Variants in ANO2 observed in about 807,000 individuals in gnomAD.
ANO2 encodes anoctamin 2, also known as anoctamin-2.
In ANO2, 101 loss-of-function variants were observed where a neutral mutation model predicts 124.2. The observed-to-expected ratio is 0.81, with a 90% CI of 0.69 to 0.96. The LOEUF is 0.96. Ranked by LOEUF, ANO2 falls within the 40% of genes least tolerant of loss-of-function variation. The probability of loss-of-function intolerance (pLI) is 0.00; values close to 1 mark genes in which losing one functional copy is unlikely to be tolerated. For missense variants in ANO2, 1,293 were observed against 1,274.5 expected, an observed-to-expected ratio of 1.01 and a Z score of -0.22; for synonymous variants, 486 against 482.5, an observed-to-expected ratio of 1.01 and a Z score of -0.09.
chr12:5,611,251 G>A (rs1944532934), intron 19 of ANO2, among the ~76,000 whole-genome samples: 1 of 152,092 alleles, frequency 6.6e-6, no homozygotes, highest in African/African-American at 2.4e-5. Flanking sequence ...TTACAGCGGT[G>A]AGCCACCACA....
At chr12:5,610,856 AC>A (rs1944504649) in intron 19 of ANO2, among the ~76,000 whole-genome samples, 4 of 143,886 alleles carry the variant, frequency 2.8e-5, no homozygotes, top group South Asian at 2.2e-4. Context: ...ACACACACAC[AC>A]ACAACCCTAA....
intron 14 of ANO2, among the ~76,000 whole-genome samples, chr12:5,725,740 G>A (rs1410257130): frequency 2.6e-5 from 4 of 151,972 alleles, no homozygotes; most frequent in Non-Finnish European, 5.9e-5. Flanking sequence ...GCCCTAAGGT[G>A]GTGCCCACTT....
rs1947258166 is a variant in ANO2 at position 5,658,205 on chromosome 12, G to C, written c.1546-10404C>G. 6.6e-6 allele frequency among the ~76,000 whole-genome samples: 1 copy of C among 152,076 alleles called. No homozygotes were observed. Among genetic ancestry groups the C allele is most frequent in the Non-Finnish European group, 1.5e-5 (1 of 68,032 alleles). ...ACGCTAATTGAACGTGTGACTTCAG[G>C]CATGTTACCAACTTCTCTATACCTC... On this transcript the variant is annotated intron_variant, in intron 14 of 24. Transcript: ENST00000682330. This position sits in a 1 kb window ranked among gnomAD's most constrained non-coding sequence, Gnocchi z 4.3.
chr12:5,698,728 A>G (rs1949288660), intron 14 of ANO2, among the ~76,000 whole-genome samples: 1 of 152,194 alleles, frequency 6.6e-6, no homozygotes, highest in Admixed American at 6.5e-5. Flanking sequence ...TAACTAGAAT[A>G]ACCAGTGTAG....
At chr12:5,803,975 G>C (rs901750028) in intron 9 of ANO2, among the ~76,000 whole-genome samples, 7 of 152,122 alleles carry the variant, frequency 4.6e-5, no homozygotes, top group Non-Finnish European at 8.8e-5. Flanking sequence ...GAACATCCAG[G>C]TGCTGGCAGG....
chr12:5,923,100 A>ACACACG lies in ANO2; in HGVS notation c.23-297_23-296insCGTGTG, dbSNP rs1565783576. ...CACACATACACACACACACGCACAC[A>ACACACG]CATACACACACATGCACGCACACAC... On this transcript the variant is annotated intron_variant, in intron 1 of 24. Coordinates refer to ENST00000682330, the MANE Select transcript of ANO2 (RefSeq NM_001364791.2). Among the ~76,000 whole-genome samples the ACACACG allele has an allele frequency of 4.7e-4, 19 of 40,214 alleles. 2 individuals carry two copies. Among genetic ancestry groups the ACACACG allele is most frequent in the African/African-American group, 8.6e-4 (19 of 22,002 alleles). The allele number at this position is 40,214 out of a possible 152,430, so 26.4% of individuals were successfully genotyped here. A position where few individuals can be genotyped will look rare whatever the true frequency, so the allele number is the denominator to read the frequency against.
chr12:5,837,751 G>C (rs1450874312), intron 4 of ANO2, among the ~76,000 whole-genome samples: 1 of 151,364 alleles, frequency 6.6e-6, no homozygotes, highest in Non-Finnish European at 1.5e-5. Flanking sequence ...ATGCCCACAA[G>C]AGAAAGCAGG....
chr12:5,586,831 A>T, intron 20 of ANO2, among the ~76,000 whole-genome samples: 1 of 152,186 alleles, frequency 6.6e-6, no homozygotes, highest in East Asian at 1.9e-4. Context: ...TCATAGCAGT[A>T]GTTGTCTAAT....
intron 19 of ANO2, among the ~76,000 whole-genome samples, chr12:5,604,474 T>C (rs1353489651): frequency 6.6e-6 from 1 of 152,050 alleles, no homozygotes; most frequent in East Asian, 1.9e-4. Flanking sequence ...ATGCCAACTA[T>C]GGATAGAGCG....
At chr12:5,790,267 C>G (rs1449445387) in intron 10 of ANO2, among the ~76,000 whole-genome samples, 1 of 152,196 alleles carries the variant, frequency 6.6e-6, no homozygotes, top group Non-Finnish European at 1.5e-5. Flanking sequence ...CCCACTCTTA[C>G]CTGCCCAGCT....
chr12:5,654,266 G>A (rs1237119160), intron 14 of ANO2, among the ~76,000 whole-genome samples: 1 of 152,164 alleles, frequency 6.6e-6, no homozygotes, highest in Non-Finnish European at 1.5e-5. Context: ...CCAGAACAGG[G>A]CCTCTGATAT....
intron 19 of ANO2, among the ~76,000 whole-genome samples, chr12:5,601,930 G>A (rs777537586): frequency 3.0e-4 from 46 of 152,320 alleles, no homozygotes; most frequent in Admixed American, 5.2e-4. Context: ...AACTCATGCT[G>A]TAAATCTCAG....
chr12:5,942,549 C>T (rs1942937521), intron 1 of ANO2, among the ~76,000 whole-genome samples: 1 of 152,214 alleles, frequency 6.6e-6, no homozygotes, highest in African/African-American at 2.4e-5. Flanking sequence ...GTGGCCTGAG[C>T]CACAAGACCG....
intron 13 of ANO2, among the ~76,000 whole-genome samples, chr12:5,734,224 A>C (rs1216194462): frequency 6.6e-6 from 1 of 152,246 alleles, no homozygotes; most frequent in Non-Finnish European, 1.5e-5. Context: ...AAGCTTGCTT[A>C]ATTTTCCTAA....
intron 3 of ANO2, among the ~76,000 whole-genome samples, chr12:5,891,340 C>T (rs373863759): frequency 1.3e-5 from 2 of 152,268 alleles, no homozygotes; most frequent in East Asian, 1.9e-4. Context: ...GAGGAACATT[C>T]CTCTTTGCTC....
intron 10 of ANO2, among the ~76,000 whole-genome samples, chr12:5,782,018 TG>T (rs1952414927): frequency 6.6e-6 from 1 of 152,230 alleles, no homozygotes. Context: ...ATCATCTACT[TG>T]GTCTATCAAG....
chr12:5,585,475 C>T (rs1371414416), intron 20 of ANO2, among the ~76,000 whole-genome samples: 1 of 152,176 alleles, frequency 6.6e-6, no homozygotes, highest in African/African-American at 2.4e-5. Context: ...TTCTTCATTT[C>T]TTTGTGTTTA....
At chr12:5,736,589 G>A (rs773821337) in intron 13 of ANO2, among the ~76,000 whole-genome samples, 10 of 152,210 alleles carry the variant, frequency 6.6e-5, no homozygotes, top group East Asian at 3.9e-4. Flanking sequence ...CTCACTCCTC[G>A]TTTTGAATGT....
At chr12:5,694,284 A>AGAGAGAGAGAGAGAGAGAGAGAGAGAG (rs55758114) in intron 14 of ANO2, among the ~76,000 whole-genome samples, 3 of 150,828 alleles carry the variant, frequency 2.0e-5, no homozygotes, top group African/African-American at 2.4e-5. Context: ...AGAGAGAGAG[A>AGAGAGAGAGAGAGAGAGAGAGAGAGAG]ATAAAACAGA....
Sources: allele counts gnomAD v4.1 joint callset (sites outside exome capture counted in the v4.1 genomes callset), GRCh38; gene constraint gnomAD v4.1.1; non-coding constraint Gnocchi (gnomAD v3.1); transcripts MANE v1.5; gene names NCBI Gene and HGNC (gene_info 2026-07-23, HGNC 2026-07-21).